Variants in AGBL4 observed in about 807,000 individuals in gnomAD.
The protein encoded by AGBL4 is cytosolic carboxypeptidase 6.
AGBL4 carries 58 observed loss-of-function variants against 66.4 expected under a neutral mutation model. That is an observed-to-expected ratio of 0.87 (90% CI 0.71 to 1.09). AGBL4 has a LOEUF of 1.09. Among genes scored for constraint, AGBL4 ranks in the 50% least tolerant of loss-of-function variants. The pLI is 0.00. For synonymous variants in AGBL4, 234 were observed against 222.9 expected, an observed-to-expected ratio of 1.05 and a Z score of -0.44; for missense variants, 579 against 631.0, an observed-to-expected ratio of 0.92 and a Z score of 0.88.
intron 2 of AGBL4, among the ~76,000 whole-genome samples, chr1:49,733,598 T>C (rs916830732): frequency 1.3e-5 from 2 of 152,172 alleles, no homozygotes; most frequent in South Asian, 4.1e-4. Flanking sequence ...AGTCTTGTTG[T>C]ATCCCCCCAA....
chr1:49,354,163 C>T (rs1643969651), intron 3 of AGBL4, among the ~76,000 whole-genome samples: 1 of 152,184 alleles, frequency 6.6e-6, no homozygotes, highest in African/African-American at 2.4e-5. Context: ...AGTGCTCACT[C>T]CGGCTTTTGT....
intron 3 of AGBL4, among the ~76,000 whole-genome samples, chr1:49,463,532 T>C (rs1292528679): frequency 6.6e-6 from 1 of 151,640 alleles, no homozygotes; most frequent in East Asian, 1.9e-4. Flanking sequence ...GAAAAGTGGG[T>C]CTCTTTTAAG....
At chr1:49,218,806 T>A (rs938645086) in intron 4 of AGBL4, among the ~76,000 whole-genome samples, 14 of 152,080 alleles carry the variant, frequency 9.2e-5, no homozygotes, top group Non-Finnish European at 1.8e-4. Flanking sequence ...GGGAGGTAAC[T>A]GAATCATTGG....
chr1:49,790,038 C>T (rs1438380284), intron 2 of AGBL4, among the ~76,000 whole-genome samples: 1 of 152,070 alleles, frequency 6.6e-6, no homozygotes, highest in African/African-American at 2.4e-5. Context: ...ACATCTACAA[C>T]CATCTGATCT....
chr1:49,231,041 G>C (rs923272871), intron 4 of AGBL4, among the ~76,000 whole-genome samples: 1 of 152,172 alleles, frequency 6.6e-6, no homozygotes, highest in Non-Finnish European at 1.5e-5. Context: ...TTGGCCTTAG[G>C]TTCTGGAGAC....
At chr1:49,816,526 A>C (rs1645236114) in intron 2 of AGBL4, among the ~76,000 whole-genome samples, 1 of 152,186 alleles carries the variant, frequency 6.6e-6, no homozygotes. Flanking sequence ...AGACATGGTG[A>C]AAATTAGGCC....
intron 3 of AGBL4, among the ~76,000 whole-genome samples, chr1:49,273,334 AAT>A (rs1454602249): frequency 1.3e-5 from 2 of 151,890 alleles, no homozygotes; most frequent in African/African-American, 4.8e-5. Flanking sequence ...CTAAATATAA[AAT>A]AGTCTATATA....
In AGBL4 at chr1:49,496,776, A is replaced by G. The variant is rs375921300; in HGVS notation, c.282+200537T>C. On this transcript the variant is annotated intron_variant, in intron 3 of 13. Coordinates refer to ENST00000371839, the MANE Select transcript of AGBL4 (RefSeq NM_032785.4). ...TTTCTTTATTCATTCATCGGCTGAT[A>G]GATACTTATGTTGATTCTATATCTT... Among the ~76,000 whole-genome samples, 307 of 146,386 alleles carry G rather than the reference A, an allele frequency of 2.1e-3. 3 individuals carry two copies. The highest frequency in any genetic ancestry group is 0.011 in the South Asian group (49 of 4,626).
At chr1:49,684,745 C>T (rs548881622) in intron 3 of AGBL4, among the ~76,000 whole-genome samples, 1 of 152,218 alleles carries the variant, frequency 6.6e-6, no homozygotes, top group African/African-American at 2.4e-5. Flanking sequence ...GTTTGGCTAT[C>T]GTAACAGGTT....
At chr1:49,937,032 G>C (rs1307360796) in intron 1 of AGBL4, among the ~76,000 whole-genome samples, 1 of 152,154 alleles carries the variant, frequency 6.6e-6, no homozygotes, top group Non-Finnish European at 1.5e-5. Flanking sequence ...CCAATTAAAA[G>C]ACACAGACTG....
intron 3 of AGBL4, among the ~76,000 whole-genome samples, chr1:49,473,676 C>T (rs995974357): frequency 6.6e-6 from 1 of 151,990 alleles, no homozygotes; most frequent in Non-Finnish European, 1.5e-5. Flanking sequence ...GTTGCTATTG[C>T]TTTTAAGGAT....
intron 6 of AGBL4, among the ~76,000 whole-genome samples, chr1:48,712,399 C>T (rs937343274): frequency 2.0e-5 from 3 of 152,118 alleles, no homozygotes; most frequent in East Asian, 1.9e-4. Flanking sequence ...CGGGTAGGAC[C>T]CTGAGCATAT....
chr1:49,438,522 GAAAT>G lies in AGBL4; in HGVS notation c.283-192662_283-192659del, dbSNP rs1190136011. 7.2e-5 allele frequency among the ~76,000 whole-genome samples: 11 copies of G among 152,222 alleles called. No homozygotes were observed. In the South Asian group the frequency reaches 1.9e-3, roughly 26 times the overall value. On this transcript the variant is annotated intron_variant, in intron 3 of 13. Transcript: ENST00000371839. The stretch of plus-strand genomic sequence containing the variant: ...CTAACTCAAGAATATAAACCAAGAA[GAAAT>G]AAATAGAGAACAACAGAAAACAAGA...
chr1:48,701,322 G>C (rs1446794061), intron 6 of AGBL4, among the ~76,000 whole-genome samples: 2 of 152,074 alleles, frequency 1.3e-5, no homozygotes, highest in East Asian at 3.9e-4. Context: ...ACTGCTTCCT[G>C]GTCCTATCTG....
At chr1:49,754,738 C>T (rs1336735447) in intron 2 of AGBL4, among the ~76,000 whole-genome samples, 3 of 152,232 alleles carry the variant, frequency 2.0e-5, no homozygotes, top group African/African-American at 7.2e-5. Flanking sequence ...AAATCCACTG[C>T]TCTCTTCAGA....
chr1:49,305,586 T>C (rs1644834889), intron 3 of AGBL4, among the ~76,000 whole-genome samples: 1 of 152,204 alleles, frequency 6.6e-6, no homozygotes, highest in Admixed American at 6.5e-5. Flanking sequence ...AGGTCAACTG[T>C]ATTGTGATGT....
At chr1:48,903,733 T>A (rs1652311900) in intron 5 of AGBL4, among the ~76,000 whole-genome samples, 1 of 151,948 alleles carries the variant, frequency 6.6e-6, no homozygotes, top group Non-Finnish European at 1.5e-5. Context: ...TAAAGACAGG[T>A]GAGATATAGT....
At chr1:48,539,852 A>G (rs898126113) in intron 11 of AGBL4, 114 bp from the exon 12 acceptor site, 2 of 630,060 alleles carry the variant, frequency 3.2e-6, no homozygotes, top group Admixed American at 4.1e-5. Flanking sequence ...TCATTGTTCT[A>G]AGCTTTTTGT....
chr1:48,665,680 A>G (rs1646175054), intron 6 of AGBL4, among the ~76,000 whole-genome samples: 1 of 152,122 alleles, frequency 6.6e-6, no homozygotes, highest in African/African-American at 2.4e-5. Context: ...CTTCTGCTGC[A>G]TTTCCATTTA....
Sources: allele counts gnomAD v4.1 joint callset (sites outside exome capture counted in the v4.1 genomes callset), GRCh38; gene constraint gnomAD v4.1.1; transcripts MANE v1.5; gene names NCBI Gene and HGNC (gene_info 2026-07-23, HGNC 2026-07-21).